Variants in PXDNL observed in about 807,000 individuals in gnomAD.
PXDNL encodes probable oxidoreductase PXDNL.
In PXDNL, 145 loss-of-function variants were observed where a neutral mutation model predicts 150.8. The ratio of observed to expected loss-of-function variants is 0.96; its 90% CI spans 0.84 to 1.10. The LOEUF is 1.10. Among genes scored for constraint, PXDNL ranks in the 50% least tolerant of loss-of-function variants. The pLI is 0.00. For synonymous variants in PXDNL, 757 were observed against 725.7 expected (o/e 1.04, Z -0.69); for missense variants, 2,087 against 1,873.9 (o/e 1.11, Z -2.10).
chr8:51,360,045 A>C (rs1219183273), intron 19 of PXDNL, among the ~76,000 whole-genome samples: 1 of 150,640 alleles, frequency 6.6e-6, no homozygotes, highest in South Asian at 2.1e-4. Flanking sequence ...AGAAAAGCAA[A>C]AAAAAAAAAA....
At chr8:51,509,735 C>CATATATATATATGTATATATATATGT (rs553993472) in intron 4 of PXDNL, among the ~76,000 whole-genome samples, 2 of 107,058 alleles carry the variant, frequency 1.9e-5, no homozygotes, top group Non-Finnish European at 3.6e-5. Flanking sequence ...TATATATATA[C>CATATATATATATGTATATATATATGT]ATATATACAC....
intron 6 of PXDNL, among the ~76,000 whole-genome samples, chr8:51,481,759 G>A (rs1810609107): frequency 6.6e-6 from 1 of 152,258 alleles, no homozygotes; most frequent in African/African-American, 2.4e-5. Context: ...GAGGGTGCAA[G>A]TCCAAAGCCT....
intron 20 of PXDNL, 135 bp downstream of exon 20, chr8:51,345,698 T>G (rs11775272): frequency 0.024 from 13,789 of 572,072 alleles, 416 homozygotes; most frequent in African/African-American, 0.11. Context: ...TTCTGTGTTT[T>G]CTCCTTTTCA....
At chr8:51,635,681 G>A (rs185482264) in intron 2 of PXDNL, among the ~76,000 whole-genome samples, 23 of 152,028 alleles carry the variant, frequency 1.5e-4, no homozygotes, top group East Asian at 9.6e-4. Flanking sequence ...AGTGGGGGGC[G>A]AAGTACTTTT....
intron 19 of PXDNL, among the ~76,000 whole-genome samples, chr8:51,361,210 CTG>C (rs551901945): frequency 7.7e-4 from 117 of 152,244 alleles, no homozygotes; most frequent in African/African-American, 2.7e-3. Flanking sequence ...ACAACAGAAA[CTG>C]GACTGGATGC....
intron 2 of PXDNL, among the ~76,000 whole-genome samples, chr8:51,634,680 T>C (rs933167252): frequency 1.3e-5 from 2 of 152,162 alleles, no homozygotes; most frequent in African/African-American, 4.8e-5. Flanking sequence ...CTTTTCCTTA[T>C]AGAGCTCTTT....
At chr8:51,524,148 C>T (rs1811718481) in intron 4 of PXDNL, among the ~76,000 whole-genome samples, 1 of 152,156 alleles carries the variant, frequency 6.6e-6, no homozygotes, top group Non-Finnish European at 1.5e-5. Flanking sequence ...GGAGTCATAC[C>T]TGATATATGA....
Position 51,330,837 on chromosome 8 carries a change from C to T in PXDNL, c.4146+8787G>A, listed in dbSNP as rs987499226. ...GCCTCAAATCTCATTAAAATATCAT[C>T]TAAACCAATTATGGGTAAGACTAGA... On this transcript the variant is annotated intron_variant, in intron 21 of 22. Transcript: ENST00000356297. 6.6e-5 allele frequency among the ~76,000 whole-genome samples: 10 copies of T among 152,296 alleles called. No individual in the cohort carries two copies. The East Asian group carries it at 1.9e-3, about 29-fold the overall frequency.
chr8:51,462,913 T>C (rs1444361103), intron 8 of PXDNL, among the ~76,000 whole-genome samples: 2 of 151,976 alleles, frequency 1.3e-5, no homozygotes, highest in East Asian at 3.9e-4. Flanking sequence ...GGGAGCCCCA[T>C]AGGGCTAACA....
At chr8:51,407,382 A>G (rs1808466561) in intron 17 of PXDNL, among the ~76,000 whole-genome samples, 1 of 152,208 alleles carries the variant, frequency 6.6e-6, no homozygotes, top group African/African-American at 2.4e-5. Flanking sequence ...TAAAATATTA[A>G]TAAATATTAG....
At chr8:51,591,710 C>A (rs931342608) in intron 3 of PXDNL, among the ~76,000 whole-genome samples, 7 of 152,098 alleles carry the variant, frequency 4.6e-5, no homozygotes, top group African/African-American at 1.4e-4. Flanking sequence ...GCTCCGCCTC[C>A]TGGGTTCACG....
chr8:51,614,698 T>C (rs1316403460), intron 2 of PXDNL, among the ~76,000 whole-genome samples: 2 of 152,204 alleles, frequency 1.3e-5, no homozygotes, highest in African/African-American at 4.8e-5. Flanking sequence ...TTTTTTTACA[T>C]TTTTATTATC....
intron 1 of PXDNL, among the ~76,000 whole-genome samples, chr8:51,674,970 G>A (rs1174742179): frequency 6.6e-6 from 1 of 152,138 alleles, no homozygotes; most frequent in Non-Finnish European, 1.5e-5. Flanking sequence ...GACCTGGAAG[G>A]CCTTCTCTAG....
At chr8:51,533,444 C>T (rs1585556126) in intron 4 of PXDNL, among the ~76,000 whole-genome samples, 5 of 151,594 alleles carry the variant, frequency 3.3e-5, no homozygotes, top group Admixed American at 2.6e-4. Flanking sequence ...AGCCACTGTG[C>T]CCAGCCTCAT....
chr8:51,485,296 G>T (rs573216906), intron 5 of PXDNL, among the ~76,000 whole-genome samples: 8 of 151,994 alleles, frequency 5.3e-5, no homozygotes, highest in Non-Finnish European at 1.2e-4. Flanking sequence ...ATCTTTACCG[G>T]CCCCATCTAA....
chr8:51,635,044 T>C (rs1814577775), intron 2 of PXDNL, among the ~76,000 whole-genome samples: 1 of 152,284 alleles, frequency 6.6e-6, no homozygotes, highest in South Asian at 2.1e-4. Context: ...GTAGGTATCC[T>C]GTCTTCTTCT....
At chr8:51,717,676 G>A (rs1816641385) in intron 1 of PXDNL, among the ~76,000 whole-genome samples, 1 of 152,224 alleles carries the variant, frequency 6.6e-6, no homozygotes, top group Non-Finnish European at 1.5e-5. Flanking sequence ...AGGGCAGCTG[G>A]AATCAGAGGA....
At chr8:51,604,113 T>C (rs1813789264) in intron 2 of PXDNL, among the ~76,000 whole-genome samples, 3 of 152,188 alleles carry the variant, frequency 2.0e-5, no homozygotes, top group African/African-American at 4.8e-5. Context: ...TTACTAATAC[T>C]AGAAATACCA....
intron 4 of PXDNL, among the ~76,000 whole-genome samples, chr8:51,534,469 C>T (rs1225424070): frequency 6.0e-4 from 49 of 81,798 alleles, no homozygotes; most frequent in African/African-American, 3.3e-3. Flanking sequence ...CCGCCCCGTC[C>T]GGGAGGGAGG....
Sources: allele counts gnomAD v4.1 joint callset (sites outside exome capture counted in the v4.1 genomes callset), GRCh38; gene constraint gnomAD v4.1.1; transcripts MANE v1.5; gene names NCBI Gene and HGNC (gene_info 2026-07-23, HGNC 2026-07-21).